Variants in PIBF1 observed in about 807,000 individuals in gnomAD.
The protein encoded by PIBF1 is progesterone immunomodulatory binding factor 1.
A neutral mutation model predicts 112.5 loss-of-function variants in PIBF1; 90 were observed. The ratio of observed to expected loss-of-function variants is 0.80; its 90% CI spans 0.67 to 0.95. The LOEUF is 0.95. PIBF1 is among the 40% of genes least tolerant of loss of function. PIBF1 has a pLI of 0.00. For missense variants in PIBF1, 915 were observed against 852.3 expected (o/e 1.07, Z -0.92); for synonymous variants, 301 against 288.6 (o/e 1.04, Z -0.44).
rs545426495 is a variant in PIBF1, at chr13:72,836,489, G to A, written c.1223+1121G>A. Among the ~76,000 whole-genome samples, 14 of 152,170 alleles carry A rather than the reference G, an allele frequency of 9.2e-5. No individual in the cohort carries two copies. In the South Asian group the frequency reaches 2.7e-3, roughly 29 times the overall value. ...AGGAAAAAAAAGCTGCTGTATTATA[G>A]TTGCTTATTTATAAGTTGCTGTATT... On this transcript the variant is annotated intron_variant, in intron 9 of 17. Transcript: ENST00000326291.
intron 12 of PIBF1, among the ~76,000 whole-genome samples, chr13:72,913,005 C>A (rs2040947308): frequency 6.7e-6 from 1 of 149,248 alleles, no homozygotes. Flanking sequence ...ATATAAAGTT[C>A]TAGAAGAGAC....
intron 9 of PIBF1, among the ~76,000 whole-genome samples, chr13:72,841,423 A>G (rs541663691): frequency 6.6e-6 from 1 of 152,330 alleles, no homozygotes; most frequent in South Asian, 2.1e-4. Context: ...ACCACTTACT[A>G]GCTCAGCAGA....
At chr13:72,871,549 C>T (rs2039167199) in intron 10 of PIBF1, among the ~76,000 whole-genome samples, 1 of 152,152 alleles carries the variant, frequency 6.6e-6, no homozygotes. Flanking sequence ...TGTGATCCAC[C>T]TGCCTCGGCC....
At chr13:72,838,955 A>G (rs2037482123) in intron 9 of PIBF1, among the ~76,000 whole-genome samples, 1 of 152,218 alleles carries the variant, frequency 6.6e-6, no homozygotes, top group African/African-American at 2.4e-5. Flanking sequence ...GGATAGACTG[A>G]GAGGCAGGGA....
intron 14 of PIBF1, among the ~76,000 whole-genome samples, chr13:72,935,767 A>G (rs928345988): frequency 6.6e-6 from 1 of 152,004 alleles, no homozygotes; most frequent in Non-Finnish European, 1.5e-5. Context: ...TTTAATTTGC[A>G]TTTCTCTAAT....
At chr13:72,853,163 G>T (rs1367446964) in intron 9 of PIBF1, among the ~76,000 whole-genome samples, 1 of 151,924 alleles carries the variant, frequency 6.6e-6, no homozygotes, top group Non-Finnish European at 1.5e-5. Context: ...ATCTTTGGAA[G>T]CTCATGGCTA....
intron 11 of PIBF1, among the ~76,000 whole-genome samples, chr13:72,896,381 T>C (rs779895336): frequency 6.6e-6 from 1 of 152,046 alleles, no homozygotes; most frequent in African/African-American, 2.4e-5. Context: ...CCTGGTAATA[T>C]AACAAAACAA....
intron 5 of PIBF1, among the ~76,000 whole-genome samples, chr13:72,807,574 C>CA (rs11363047): frequency 1.3e-5 from 2 of 150,916 alleles, no homozygotes; most frequent in African/African-American, 4.9e-5. Context: ...GAGTTTGTCT[C>CA]AAAAAAAAAA....
intron 4 of PIBF1, among the ~76,000 whole-genome samples, chr13:72,796,280 C>T (rs1041943045): frequency 2.0e-5 from 3 of 152,024 alleles, no homozygotes; most frequent in East Asian, 1.9e-4. Flanking sequence ...CTAGGAAAGT[C>T]GTTTTGATCT....
intron 11 of PIBF1, among the ~76,000 whole-genome samples, chr13:72,900,365 A>G (rs2040438769): frequency 6.6e-6 from 1 of 152,196 alleles, no homozygotes; most frequent in African/African-American, 2.4e-5. Context: ...CTATAAGGCC[A>G]TAGTCACCAA....
intron 9 of PIBF1, among the ~76,000 whole-genome samples, chr13:72,836,917 A>G (rs1054185754): frequency 6.6e-6 from 1 of 152,160 alleles, no homozygotes; most frequent in Non-Finnish European, 1.5e-5. Context: ...TATGAACTTC[A>G]AACACTGAAC....
chr13:72,909,130 T>C (rs1223190814), intron 12 of PIBF1, among the ~76,000 whole-genome samples: 1 of 152,224 alleles, frequency 6.6e-6, no homozygotes, highest in Non-Finnish European at 1.5e-5. Flanking sequence ...TAAAATTCTG[T>C]ATTTCAAATA....
At chr13:72,847,543 T>C (rs1034603511) in intron 9 of PIBF1, among the ~76,000 whole-genome samples, 1 of 152,216 alleles carries the variant, frequency 6.6e-6, no homozygotes, top group African/African-American at 2.4e-5. Context: ...TCCCACTTCT[T>C]AATACTGTTA....
chr13:72,817,305 T>G lies in PIBF1; in HGVS notation c.673-4544T>G, dbSNP rs543852618. Among the ~76,000 whole-genome samples the G allele has an allele frequency of 2.0e-5, 3 of 152,342 alleles. No homozygotes were observed. In the South Asian group the frequency reaches 6.2e-4, roughly 32 times the overall value. On this transcript the variant is annotated intron_variant, in intron 5 of 17. Coordinates refer to ENST00000326291, the MANE Select transcript of PIBF1 (RefSeq NM_006346.4). Reference sequence around the variant, plus strand: ...GGAGTTTAGAAATTCATTACATCCATAGTAATTGCCTTTTATTGAGAACAG... The same window carrying G: ...GGAGTTTAGAAATTCATTACATCCAGAGTAATTGCCTTTTATTGAGAACAG...
At chr13:72,878,423 T>C (rs2039494289) in intron 10 of PIBF1, among the ~76,000 whole-genome samples, 1 of 152,218 alleles carries the variant, frequency 6.6e-6, no homozygotes, top group South Asian at 2.1e-4. Flanking sequence ...TTGTTTAATA[T>C]CCACATATTT....
intron 8 of PIBF1, among the ~76,000 whole-genome samples, chr13:72,828,593 A>G (rs896348996): frequency 6.6e-6 from 1 of 152,168 alleles, no homozygotes; most frequent in Non-Finnish European, 1.5e-5. Flanking sequence ...ATGTCCCTGC[A>G]AAGGACATGA....
intron 9 of PIBF1, among the ~76,000 whole-genome samples, chr13:72,848,771 G>A (rs1274504134): frequency 6.6e-6 from 1 of 151,750 alleles, no homozygotes; most frequent in African/African-American, 2.4e-5. Context: ...AGCGGAGCTT[G>A]CAGTGAGCTG....
rs191074946 is a variant in PIBF1, at chr13:72,833,683, C to T, written c.1098-1560C>T. Among the ~76,000 whole-genome samples the T allele has an allele frequency of 2.4e-4, 37 of 152,270 alleles. No individual in the cohort carries two copies. In the East Asian group the frequency reaches 3.9e-3, roughly 16 times the overall value. Reference sequence around the variant, plus strand: ...GAGCTCTCCTGTATGAGGTGTCTGTCGGTCCCTACTGGGAGGTGTCTCCCA... The same window carrying T: ...GAGCTCTCCTGTATGAGGTGTCTGTTGGTCCCTACTGGGAGGTGTCTCCCA... On this transcript the variant is annotated intron_variant, in intron 8 of 17. Coordinates refer to ENST00000326291, the MANE Select transcript of PIBF1 (RefSeq NM_006346.4).
intron 13 of PIBF1, among the ~76,000 whole-genome samples, chr13:72,921,536 GTTTAA>G (rs1480190360): frequency 2.6e-5 from 4 of 151,988 alleles, no homozygotes; most frequent in Non-Finnish European, 5.9e-5. Flanking sequence ...TAATTTAATA[GTTTAA>G]TTTATTGTCA....
Sources: allele counts gnomAD v4.1 joint callset (sites outside exome capture counted in the v4.1 genomes callset), GRCh38; gene constraint gnomAD v4.1.1; transcripts MANE v1.5; gene names NCBI Gene and HGNC (gene_info 2026-07-23, HGNC 2026-07-21).